Variants in PTPRT observed in about 807,000 individuals in gnomAD.
PTPRT encodes receptor-type tyrosine-protein phosphatase T.
A neutral mutation model predicts 176.8 loss-of-function variants in PTPRT; 56 were observed. The ratio of observed to expected loss-of-function variants is 0.32; its 90% CI spans 0.26 to 0.40. PTPRT has a LOEUF of 0.40. Ranked by LOEUF, PTPRT falls within the 10% of genes least tolerant of loss-of-function variation. PTPRT has a pLI of 1.00. For missense variants in PTPRT, 1,540 were observed against 1,908.2 expected, an observed-to-expected ratio of 0.81 and a Z score of 3.60; for synonymous variants, 783 against 739.0, an observed-to-expected ratio of 1.06 and a Z score of -0.96.
chr20:42,405,778 A>G, intron 9 of PTPRT, among the ~76,000 whole-genome samples: 1 of 152,206 alleles, frequency 6.6e-6, no homozygotes, highest in South Asian at 2.1e-4. Flanking sequence ...ACTGTCTTCC[A>G]CAATGGTTGA....
At chr20:43,042,813 T>G (rs941188931) in intron 1 of PTPRT, among the ~76,000 whole-genome samples, 2 of 150,032 alleles carry the variant, frequency 1.3e-5, no homozygotes, top group Non-Finnish European at 3.0e-5. Context: ...CAAGCGCTAA[T>G]GGTTTATGCC....
intron 1 of PTPRT, among the ~76,000 whole-genome samples, chr20:43,032,905 T>C (rs529295354): frequency 1.3e-5 from 2 of 152,332 alleles, no homozygotes; most frequent in South Asian, 4.1e-4. Context: ...TGATGTGCGA[T>C]ACAGAATTGC....
chr20:43,167,418 G>T (rs909528284), intron 1 of PTPRT, among the ~76,000 whole-genome samples: 2 of 151,944 alleles, frequency 1.3e-5, no homozygotes, highest in African/African-American at 2.4e-5. Context: ...CTGTAACAAG[G>T]CTCTGAATAA....
At chr20:42,568,414 A>T (rs2073085814) in intron 7 of PTPRT, among the ~76,000 whole-genome samples, 1 of 152,104 alleles carries the variant, frequency 6.6e-6, no homozygotes, top group Admixed American at 6.5e-5. Flanking sequence ...ATTGAGGAGC[A>T]GAGAGAACAA....
intron 9 of PTPRT, among the ~76,000 whole-genome samples, chr20:42,427,598 C>A (rs1248163244): frequency 6.6e-6 from 1 of 152,100 alleles, no homozygotes; most frequent in East Asian, 1.9e-4. Context: ...TTAATAAGGG[C>A]AGACTCCTCC....
At chr20:43,001,489 A>C (rs1600638356) in intron 1 of PTPRT, among the ~76,000 whole-genome samples, 1 of 152,274 alleles carries the variant, frequency 6.6e-6, no homozygotes, top group Admixed American at 6.5e-5. Flanking sequence ...CAACAAAAAA[A>C]AAACAGATTT....
chr20:42,514,842 C>T lies in PTPRT; in HGVS notation c.1154-42280G>A, dbSNP rs8116566. Among the ~76,000 whole-genome samples, 447 of 152,224 alleles carry T rather than the reference C, an allele frequency of 2.9e-3. 5 individuals carry two copies. The highest frequency in any genetic ancestry group is 9.7e-3 in the African/African-American group (404 of 41,540). ...TTGTTGTCATAACAATTTACAAAACCGTTCCACATATGTATAGGCCTATTT... is the reference window on the plus strand; with the variant it reads ...TTGTTGTCATAACAATTTACAAAACTGTTCCACATATGTATAGGCCTATTT... On this transcript the variant is annotated intron_variant, in intron 7 of 30. Transcript: ENST00000373187.
At chr20:42,449,550 C>T (rs2070789706) in intron 8 of PTPRT, among the ~76,000 whole-genome samples, 2 of 152,152 alleles carry the variant, frequency 1.3e-5, no homozygotes, top group African/African-American at 4.8e-5. Flanking sequence ...TCACTTAAGC[C>T]ATAAAACACC....
At chr20:42,283,566 C>A (rs8116325) in intron 12 of PTPRT, among the ~76,000 whole-genome samples, 51,008 of 151,778 alleles carry the variant, frequency 0.34, 8,650 homozygotes, top group Non-Finnish European at 0.36. Context: ...AGGTGTGTGG[C>A]TGGGTCTAAG....
At chr20:42,342,422 TC>T in intron 11 of PTPRT, among the ~76,000 whole-genome samples, 1 of 152,244 alleles carries the variant, frequency 6.6e-6, no homozygotes. Flanking sequence ...CTTATCCATG[TC>T]CCCCTAACCC....
chr20:43,056,284 G>A (rs542145991), intron 1 of PTPRT, among the ~76,000 whole-genome samples: 1 of 152,078 alleles, frequency 6.6e-6, no homozygotes, highest in Non-Finnish European at 1.5e-5. Context: ...CTACATCTTC[G>A]CATCCTTCCA....
intron 13 of PTPRT, among the ~76,000 whole-genome samples, chr20:42,276,497 AT>A (rs1369167078): frequency 1.7e-3 from 3 of 1,762 alleles, no homozygotes; most frequent in African/African-American, 3.6e-3. Context: ...AAAGAAGGAA[AT>A]ATATATATAT....
intron 5 of PTPRT, among the ~76,000 whole-genome samples, chr20:42,767,977 TACACACACACACACACACACACACACAC>T (rs35599788): frequency 4.0e-5 from 5 of 125,270 alleles, no homozygotes; most frequent in Non-Finnish European, 8.2e-5. Context: ...TATAAAATTA[TACACACACACACACACACACACACACAC>T]ACACACACAC....
intron 7 of PTPRT, among the ~76,000 whole-genome samples, chr20:42,496,552 C>T (rs148819216): frequency 2.8e-3 from 424 of 152,096 alleles, no homozygotes; most frequent in Non-Finnish European, 4.9e-3. Context: ...ACAAGTTGTC[C>T]GCTGTTAATT....
At chr20:42,492,237 C>A (rs142001228) in intron 7 of PTPRT, among the ~76,000 whole-genome samples, 86 of 152,266 alleles carry the variant, frequency 5.6e-4, no homozygotes, top group African/African-American at 1.9e-3. Context: ...ATAGTAAGTT[C>A]ATTTTTACTT....
At chr20:42,184,555 C>CTTCTTCTTCT (rs1268355125) in intron 16 of PTPRT, among the ~76,000 whole-genome samples, 1 of 116,890 alleles carries the variant, frequency 8.6e-6, no homozygotes, top group African/African-American at 3.5e-5. Flanking sequence ...TCTTCTTCTT[C>CTTCTTCTTCT]TTCTTATTCT....
At chr20:42,829,050 G>C (rs1008257126) in intron 2 of PTPRT, among the ~76,000 whole-genome samples, 1 of 152,158 alleles carries the variant, frequency 6.6e-6, no homozygotes, top group African/African-American at 2.4e-5. Context: ...ACAAGCCCAT[G>C]AAAGCATCCA....
intron 7 of PTPRT, among the ~76,000 whole-genome samples, chr20:42,636,003 C>T (rs1036789254): frequency 6.6e-6 from 1 of 152,108 alleles, no homozygotes; most frequent in Non-Finnish European, 1.5e-5. Flanking sequence ...TAAGGAAAGT[C>T]ACCGAGTTAA....
chr20:42,817,414 A>T (rs2077807593), intron 2 of PTPRT, among the ~76,000 whole-genome samples: 1 of 150,920 alleles, frequency 6.6e-6, no homozygotes, highest in African/African-American at 2.4e-5. Flanking sequence ...AATTAAACAT[A>T]AAACTATAGA....
Sources: gnomAD v4.1 joint callset for allele counts (sites outside exome capture counted in the v4.1 genomes callset) on GRCh38, gnomAD v4.1.1 for gene constraint, MANE v1.5 for transcripts, NCBI Gene and HGNC (gene_info 2026-07-23, HGNC 2026-07-21) for gene names.